AZIN2: variants seen among roughly 807,000 people sequenced by gnomAD.
The protein encoded by AZIN2 is ODC antizyme inhibitor-2.
A neutral mutation model predicts 47.8 loss-of-function variants in AZIN2; 28 were observed. The observed-to-expected ratio is 0.59, with a 90% CI of 0.43 to 0.80. The LOEUF (loss-of-function observed/expected upper bound fraction) is 0.80. Ranked by LOEUF, AZIN2 falls within the 30% of genes least tolerant of loss-of-function variation. AZIN2 has a pLI of 0.00. For missense variants in AZIN2, 535 were observed against 582.5 expected (o/e 0.92, Z 0.84); for synonymous variants, 221 against 239.4 (o/e 0.92, Z 0.71).
At chr1:33,092,978 A>G (rs1220224365) in intron 6 of AZIN2, among the ~76,000 whole-genome samples, 1 of 152,200 alleles carries the variant, frequency 6.6e-6, no homozygotes, top group Non-Finnish European at 1.5e-5. Context: ...GGTTCCTCTC[A>G]TACACGACAA....
the AZIN2 span, among the ~76,000 whole-genome samples, chr1:33,133,489 C>T: frequency 1.3e-5 from 2 of 152,080 alleles, no homozygotes; most frequent in Non-Finnish European, 2.9e-5. Context: ...TGGGCTGGGG[C>T]AGGTGACCTG....
the AZIN2 span, among the ~76,000 whole-genome samples, chr1:33,144,366 A>G: frequency 2.6e-5 from 4 of 152,250 alleles, no homozygotes; most frequent in East Asian, 7.7e-4. Context: ...TTGAACTCCC[A>G]ACCTCAGGTG....
the AZIN2 span, among the ~76,000 whole-genome samples, chr1:33,149,315 G>T: frequency 1.3e-5 from 2 of 152,236 alleles, no homozygotes; most frequent in East Asian, 3.9e-4. Context: ...ACCACGCCTG[G>T]CTAATTTTTT....
rs1235366456 is a variant in AZIN2, at chr1:33,113,435, A to G, written c.1030-4467A>G. Among the ~76,000 whole-genome samples, 1 of 152,172 alleles carries G rather than the reference A, an allele frequency of 6.6e-6. No individual in the cohort carries two copies. Among genetic ancestry groups the G allele is most frequent in the Admixed American group, 6.5e-5 (1 of 15,280 alleles). On this transcript the variant is annotated intron_variant, in intron 10 of 11. Coordinates refer to ENST00000294517, the MANE Select transcript of AZIN2 (RefSeq NM_052998.4). The surrounding 1 kb of genome is among the most constrained non-coding windows in gnomAD (Gnocchi z 4.1). ...ATTCTAAAATTCATTGATTTCCTCT[A>G]GTAACCACACCCACCCCCTTAAGAT...
chr1:33,147,147 C>G, the AZIN2 span: 3 of 1,602,770 alleles, frequency 1.9e-6, no homozygotes, highest in African/African-American at 4.0e-5. This position sits in a 1 kb window ranked among gnomAD's most constrained non-coding sequence, Gnocchi z 8.1. Context: ...GGCAGTGGTC[C>G]CAGGAGGTTG....
At chr1:33,119,435 T>C (rs1644714446) in intron 11 of AZIN2, 1 of 157,974 alleles carries the variant, frequency 6.3e-6, no homozygotes, top group Non-Finnish European at 1.4e-5. Context: ...ATGGGGCACA[T>C]GAGGATGTTC....
chr1:33,087,753 A>G (rs1474544018), intron 5 of AZIN2, among the ~76,000 whole-genome samples: 3 of 151,750 alleles, frequency 2.0e-5, no homozygotes, highest in Non-Finnish European at 4.4e-5. Flanking sequence ...CATTCTTTAA[A>G]AAAAAAAAAG....
chr1:33,100,714 A>G (rs919227474), intron 10 of AZIN2, among the ~76,000 whole-genome samples: 2 of 152,202 alleles, frequency 1.3e-5, no homozygotes, highest in Non-Finnish European at 2.9e-5. Context: ...TCACAATTCC[A>G]TTATCAAATT....
chr1:33,101,775 A>T, intron 10 of AZIN2: 2 of 743,384 alleles, frequency 2.7e-6, no homozygotes, highest in Admixed American at 1.9e-5. Flanking sequence ...TTTTTGCTTT[A>T]TAAAAAGGTA....
chr1:33,159,456 G>A, the AZIN2 span, among the ~76,000 whole-genome samples: 4 of 152,288 alleles, frequency 2.6e-5, no homozygotes, highest in East Asian at 7.7e-4. This position sits in a 1 kb window ranked among gnomAD's most constrained non-coding sequence, Gnocchi z 4.2. Context: ...CCCTCTAGAT[G>A]GTTTTCAAAC....
At chr1:33,136,116 TTCCTTCCTTCCTTCC>T in the AZIN2 span, among the ~76,000 whole-genome samples, 14 of 30,734 alleles carry the variant, frequency 4.6e-4, no homozygotes, top group African/African-American at 1.5e-3. Flanking sequence ...GGGCCAGCCC[TTCCTTCCTTCCTTCC>T]TTCCTTCCTT....
chr1:33,156,558 C>T, the AZIN2 span, among the ~76,000 whole-genome samples: 2 of 152,160 alleles, frequency 1.3e-5, no homozygotes. Context: ...TGGCTGGGTC[C>T]CCCTCTTGTC....
chr1:33,133,463 C>A, the AZIN2 span, among the ~76,000 whole-genome samples: 1,071 of 152,312 alleles, frequency 7.0e-3, 15 homozygotes, highest in African/African-American at 0.024. Context: ...CTTACCTGGG[C>A]CCCTCATGGG....
chr1:33,138,274 C>CT, the AZIN2 span, among the ~76,000 whole-genome samples: 1 of 152,010 alleles, frequency 6.6e-6, no homozygotes, highest in African/African-American at 2.4e-5. Flanking sequence ...ATGCTGTAGA[C>CT]TAACATGGAA....
At chr1:33,148,736 G>A in the AZIN2 span, among the ~76,000 whole-genome samples, 3 of 152,210 alleles carry the variant, frequency 2.0e-5, no homozygotes, top group East Asian at 3.9e-4. Context: ...TTATAAAAAG[G>A]TTATATTATC....
At chr1:33,114,163 C>G (rs1410506308) in intron 10 of AZIN2, among the ~76,000 whole-genome samples, 1 of 151,648 alleles carries the variant, frequency 6.6e-6, no homozygotes, top group Admixed American at 6.6e-5. Context: ...GCTCTGTCAC[C>G]CAGGCTGGAG....
At chr1:33,151,435 G>C in the AZIN2 span, among the ~76,000 whole-genome samples, 1 of 152,134 alleles carries the variant, frequency 6.6e-6, no homozygotes, top group African/African-American at 2.4e-5. Context: ...CATTAACACA[G>C]GGTCTTGGCT....
chr1:33,092,710 G>C (rs1642698857), intron 6 of AZIN2, among the ~76,000 whole-genome samples: 1 of 152,166 alleles, frequency 6.6e-6, no homozygotes, highest in Non-Finnish European at 1.5e-5. Flanking sequence ...CAGAAACTTA[G>C]TGTGGCTGAC....
chr1:33,130,176 A>T, the AZIN2 span, among the ~76,000 whole-genome samples: 6 of 152,152 alleles, frequency 3.9e-5, no homozygotes, highest in Non-Finnish European at 5.9e-5. Flanking sequence ...TGCACTTTAG[A>T]TGGTGCACTA....
Sources: allele counts gnomAD v4.1 joint callset (sites outside exome capture counted in the v4.1 genomes callset), GRCh38; gene constraint gnomAD v4.1.1; non-coding constraint Gnocchi (gnomAD v3.1); transcripts MANE v1.5; gene names NCBI Gene and HGNC (gene_info 2026-07-23, HGNC 2026-07-21).